Variants in ZNF385D observed in about 807,000 individuals in gnomAD.
The protein encoded by ZNF385D is zinc finger protein 385D, also known as zinc finger protein 659.
Under a neutral mutation model 35.8 loss-of-function variants are expected in ZNF385D, and 15 were observed. That is an observed-to-expected ratio of 0.42 (90% CI 0.28 to 0.64). The LOEUF is 0.64. Ranked by LOEUF, ZNF385D falls within the 30% of genes least tolerant of loss-of-function variation. The pLI is 0.23. For missense variants in ZNF385D, 474 were observed against 494.6 expected, an observed-to-expected ratio of 0.96 and a Z score of 0.39; for synonymous variants, 212 against 186.8, an observed-to-expected ratio of 1.13 and a Z score of -1.10.
chr3:22,079,235 A>G (rs1200035629), intron 3 of ZNF385D, among the ~76,000 whole-genome samples: 1 of 152,078 alleles, frequency 6.6e-6, no homozygotes, highest in Non-Finnish European at 1.5e-5. Flanking sequence ...ATTAGCTGAT[A>G]AAAGAAATAT....
upstream of ZNF385D, among the ~76,000 whole-genome samples, chr3:21,754,833 T>C (rs1372890910): frequency 6.6e-6 from 1 of 152,246 alleles, no homozygotes; most frequent in African/African-American, 2.4e-5. Flanking sequence ...TACCTGCTAC[T>C]TGTCATTATA....
chr3:22,013,039 A>G (rs1158652723), intron 3 of ZNF385D, among the ~76,000 whole-genome samples: 1 of 152,136 alleles, frequency 6.6e-6, no homozygotes, highest in Non-Finnish European at 1.5e-5. Context: ...CAGAACAAAA[A>G]TTTAAGAAAT....
intron 2 of ZNF385D, among the ~76,000 whole-genome samples, chr3:22,284,374 T>C (rs1404146473): frequency 1.3e-5 from 2 of 151,840 alleles, no homozygotes. Flanking sequence ...TTATTTTTAG[T>C]AGAGATGGAG....
chr3:22,131,659 A>C (rs1192423989), intron 3 of ZNF385D, among the ~76,000 whole-genome samples: 1 of 152,172 alleles, frequency 6.6e-6, no homozygotes, highest in Admixed American at 6.6e-5. Flanking sequence ...ATGTTTATCC[A>C]GAGGTAAAGG....
intron 2 of ZNF385D, among the ~76,000 whole-genome samples, chr3:22,265,886 C>T (rs1450232710): frequency 6.6e-6 from 1 of 151,982 alleles, no homozygotes; most frequent in Non-Finnish European, 1.5e-5. Flanking sequence ...CATACCTTGA[C>T]ATCATATAAC....
At chr3:21,887,580 A>G (rs1241196200) in intron 3 of ZNF385D, among the ~76,000 whole-genome samples, 1 of 152,124 alleles carries the variant, frequency 6.6e-6, no homozygotes, top group Non-Finnish European at 1.5e-5. Flanking sequence ...ACATATATGG[A>G]ATTTGCTCTC....
intron 3 of ZNF385D, among the ~76,000 whole-genome samples, chr3:21,817,645 G>T (rs2073211396): frequency 6.6e-6 from 1 of 152,166 alleles, no homozygotes; most frequent in South Asian, 2.1e-4. Context: ...ACACCAGTTA[G>T]AATGGAGATC....
chr3:22,168,345 G>C (rs1381388830), intron 3 of ZNF385D: 1 of 151,926 alleles, frequency 6.6e-6, no homozygotes, highest in East Asian at 1.9e-4. Flanking sequence ...ATTTTCACTA[G>C]GAAACTCAAA....
intron 4 of ZNF385D, among the ~76,000 whole-genome samples, chr3:21,445,128 T>A (rs1702081865): frequency 6.6e-6 from 1 of 152,210 alleles, no homozygotes; most frequent in Non-Finnish European, 1.5e-5. Flanking sequence ...ATCTTCAACC[T>A]CCACATCTCC....
At chr3:22,211,589 CTGTATGTGT>C (rs1467813252) in intron 2 of ZNF385D, among the ~76,000 whole-genome samples, 2 of 151,936 alleles carry the variant, frequency 1.3e-5, no homozygotes, top group African/African-American at 2.4e-5. Flanking sequence ...TGTGTTCTTC[CTGTATGTGT>C]TGCAATAAAT....
intron 2 of ZNF385D, among the ~76,000 whole-genome samples, chr3:22,327,672 A>T (rs1044487600): frequency 3.3e-5 from 5 of 152,126 alleles, no homozygotes; most frequent in Admixed American, 2.0e-4. Flanking sequence ...CTTATTTTGC[A>T]CTCCCAGTGG....
At chr3:21,457,088 C>T (rs1056726554) in intron 4 of ZNF385D, among the ~76,000 whole-genome samples, 3 of 152,012 alleles carry the variant, frequency 2.0e-5, no homozygotes, top group African/African-American at 4.8e-5. Flanking sequence ...TGATCCTTAG[C>T]GTCTAGAATG....
At chr3:22,189,741 C>A (rs1367973166) in intron 2 of ZNF385D, among the ~76,000 whole-genome samples, 1 of 152,100 alleles carries the variant, frequency 6.6e-6, no homozygotes, top group East Asian at 1.9e-4. Flanking sequence ...TAGGTGATAA[C>A]AATAAGCCAA....
intron 2 of ZNF385D, among the ~76,000 whole-genome samples, chr3:22,281,875 T>A (rs1189730674): frequency 6.6e-6 from 1 of 151,268 alleles, no homozygotes; most frequent in Non-Finnish European, 1.5e-5. Context: ...TACTGAACAT[T>A]TTTTGTTGGT....
At position 21,936,410 on chromosome 3, in the gene ZNF385D, T is replaced by C. The variant is rs529356849; in HGVS notation, c.325+232407A>G. On this transcript the variant is annotated intron_variant, in intron 3 of 5. Coordinates refer to the ZNF385D transcript ENST00000494108. ...TGTAACAATTTTTTTTTTTTGGCTA[T>C]GTCAGCATTGTTCTGTGCAAAGCAG... Among the ~76,000 whole-genome samples, 15 of 151,834 alleles carry C rather than the reference T, an allele frequency of 9.9e-5. No individual in the cohort carries two copies. In the East Asian group the frequency reaches 2.5e-3, roughly 26 times the overall value.
intron 2 of ZNF385D, among the ~76,000 whole-genome samples, chr3:22,271,590 G>T (rs965483323): frequency 1.3e-5 from 2 of 151,850 alleles, no homozygotes; most frequent in East Asian, 3.9e-4. Context: ...GTTGATCCCA[G>T]CCACACTCCA....
At chr3:22,298,824 G>T (rs1203361836) in intron 2 of ZNF385D, among the ~76,000 whole-genome samples, 1 of 151,348 alleles carries the variant, frequency 6.6e-6, no homozygotes, top group East Asian at 1.9e-4. Context: ...TTTATTTAAT[G>T]CAAAGTTTCT....
chr3:22,363,271 T>C (rs942539240), intron 2 of ZNF385D, among the ~76,000 whole-genome samples: 1 of 152,020 alleles, frequency 6.6e-6, no homozygotes, highest in Non-Finnish European at 1.5e-5. Context: ...TTCTAAACCA[T>C]CACAAAGTCT....
intron 3 of ZNF385D, chr3:21,959,025 G>C (rs1204553667): frequency 6.6e-6 from 1 of 152,094 alleles, no homozygotes; most frequent in Non-Finnish European, 1.5e-5. Flanking sequence ...TAAAATACAG[G>C]TTTCTGGTAT....
Sources: gnomAD v4.1 joint callset for allele counts (sites outside exome capture counted in the v4.1 genomes callset) on GRCh38, gnomAD v4.1.1 for gene constraint, MANE v1.5 for transcripts, NCBI Gene and HGNC (gene_info 2026-07-23, HGNC 2026-07-21) for gene names.